The following CCNT2 variants were observed in gnomAD, a reference collection of about 807,000 sequenced individuals.
The protein encoded by CCNT2 is cyclin-T2.
CCNT2 carries 18 observed loss-of-function variants against 70.0 expected under a neutral mutation model. The ratio of observed to expected loss-of-function variants is 0.26; its 90% CI spans 0.18 to 0.38. The LOEUF (loss-of-function observed/expected upper bound fraction) is 0.38, where lower values mean the gene tolerates loss of function less well. Among genes scored for constraint, CCNT2 ranks in the 10% least tolerant of loss-of-function variants. The pLI is 1.00. For synonymous variants in CCNT2, 334 were observed against 313.3 expected (o/e 1.07, Z -0.70); for missense variants, 734 against 890.2 (o/e 0.82, Z 2.23).
In CCNT2 at chr2:134,921,001, T is replaced by G. The variant is rs187328070; in HGVS notation, c.240+1110T>G. 4.0e-4 allele frequency among the ~76,000 whole-genome samples: 61 copies of G among 152,354 alleles called. No individual in the cohort carries two copies. In the East Asian group the frequency reaches 0.011, roughly 28 times the overall value. On this transcript the variant is annotated intron_variant, in intron 2 of 8. Coordinates refer to ENST00000264157, the MANE Select transcript of CCNT2 (RefSeq NM_058241.3). ...TCTCTTGAAGACTTCTTCTATTTCT[T>G]TTTTAAATCTGCATAATTCTTGCTC... is the stretch of plus-strand genomic sequence containing the variant.
At chr2:134,931,610 A>G (rs1680776746) in intron 2 of CCNT2, among the ~76,000 whole-genome samples, 2 of 152,234 alleles carry the variant, frequency 1.3e-5, no homozygotes, top group East Asian at 1.9e-4. Flanking sequence ...TGGGATTTTT[A>G]TAGGGATGAC....
rs1280635879 is a variant in CCNT2 at position 134,954,932 on chromosome 2, T to C, written c.*284T>C. 1 of 316,862 alleles carries C rather than the reference T, an allele frequency of 3.2e-6. No homozygotes were observed. The highest frequency in any genetic ancestry group is 2.1e-5 in the African/African-American group (1 of 47,560). 19.6% of individuals were successfully genotyped at this position (316,862 alleles called of 1,614,324 possible). ...ATTAGGATGAATGGCTGGCTGCTTC[T>C]AGGAATATAAGATGCCTCAAGCATT... On this transcript the variant is annotated 3_prime_UTR_variant, in exon 9 of 9. Transcript: ENST00000264157.
intron 3 of CCNT2, among the ~76,000 whole-genome samples, chr2:134,937,760 C>G (rs1405430078): frequency 6.6e-6 from 1 of 151,980 alleles, no homozygotes; most frequent in Admixed American, 6.6e-5. Context: ...ACTAAAAATA[C>G]AAAATTAGCC....
At chr2:134,940,230 C>T (rs577344536) in intron 4 of CCNT2, among the ~76,000 whole-genome samples, 1 of 152,174 alleles carries the variant, frequency 6.6e-6, no homozygotes, top group African/African-American at 2.4e-5. Flanking sequence ...TGCAGTTGAC[C>T]CTCAAACAGC....
At chr2:134,920,505 A>G (rs1282831437) in intron 2 of CCNT2, 1 of 152,188 alleles carries the variant, frequency 6.6e-6, no homozygotes, top group Non-Finnish European at 1.5e-5. Context: ...TAAAATTTAC[A>G]CCTGAATATT....
intron 5 of CCNT2, chr2:134,944,081 T>C: frequency 2.0e-6 from 2 of 984,758 alleles, no homozygotes; most frequent in Non-Finnish European, 2.4e-6. Context: ...TATTTTTTTG[T>C]AGTAGCACAC....
chr2:134,948,421 GT>G (rs1682162331), intron 7 of CCNT2, among the ~76,000 whole-genome samples: 1 of 152,192 alleles, frequency 6.6e-6, no homozygotes, highest in South Asian at 2.1e-4. Context: ...ATTCTGTTGA[GT>G]TTTAAATGTG....
intron 2 of CCNT2, among the ~76,000 whole-genome samples, chr2:134,933,083 T>C (rs940683487): frequency 6.6e-6 from 1 of 152,194 alleles, no homozygotes; most frequent in African/African-American, 2.4e-5. Flanking sequence ...CACTAGCCTA[T>C]AGAACCTAAA....
In CCNT2 at chr2:134,919,134, G is replaced by A. The variant is rs1037471372; in HGVS notation, c.158+122G>A. ...CGCTGGGCCTCGGCGCCGCGGTCAG[G>A]GAAGTAATGTTCCGGCTCGGGCAGT... On this transcript the variant is annotated intron_variant, in intron 1 of 8. Transcript: ENST00000264157. 4 of 1,148,822 alleles carry A rather than the reference G, an allele frequency of 3.5e-6. No homozygotes were observed. The South Asian group carries it at 6.3e-5, about 18-fold the overall frequency. 71.2% of individuals were successfully genotyped at this position (1,148,822 alleles called of 1,614,324 possible). A position where few individuals can be genotyped will look rare whatever the true frequency, so the allele number is the denominator to read the frequency against.
intron 5 of CCNT2, chr2:134,943,936 C>T (rs1681757357): frequency 1.0e-6 from 1 of 954,746 alleles, no homozygotes; most frequent in Non-Finnish European, 1.2e-6. Context: ...TAGTATTTAC[C>T]TAAGTATTCT....
At chr2:134,947,934 T>G in intron 7 of CCNT2, 35 bp downstream of exon 7, 1 of 1,278,918 alleles carries the variant, frequency 7.8e-7, no homozygotes, top group Non-Finnish European at 1.1e-6. Flanking sequence ...AGTTTGGAAT[T>G]ATCTAAGTTG....
At chr2:134,946,860 C>A (rs1325471955) in intron 6 of CCNT2, among the ~76,000 whole-genome samples, 1 of 151,958 alleles carries the variant, frequency 6.6e-6, no homozygotes, top group East Asian at 1.9e-4. Flanking sequence ...TTAAATTTGT[C>A]TTTTTGAGTG....
chr2:134,953,019 TCTGATTCTAAA>T (rs1465665273), intron 8 of CCNT2, 200 bp from the exon 9 acceptor site: 3 of 500,926 alleles, frequency 6.0e-6, no homozygotes, highest in African/African-American at 5.9e-5. Context: ...TTAACTTGTA[TCTGATTCTAAA>T]ATGGGTGTTT....
chr2:134,930,838 C>A (rs899231319), intron 2 of CCNT2, among the ~76,000 whole-genome samples: 21 of 151,892 alleles, frequency 1.4e-4, no homozygotes, highest in African/African-American at 4.8e-4. Flanking sequence ...ATCTAAGAAA[C>A]CTTTACCTAA....
chr2:134,928,735 A>G (rs553163441), intron 2 of CCNT2, among the ~76,000 whole-genome samples: 204 of 152,348 alleles, frequency 1.3e-3, no homozygotes, highest in Non-Finnish European at 1.7e-3. Context: ...GAAGTTGAAA[A>G]AAAAAAATGG....
At chr2:134,946,682 CT>C (rs35187705) in intron 6 of CCNT2, among the ~76,000 whole-genome samples, 37,626 of 139,788 alleles carry the variant, frequency 0.27, 4,936 homozygotes, top group Middle Eastern at 0.64. Flanking sequence ...ACAATTTTTC[CT>C]TTTTTTTTTT....
At chr2:134,949,762 T>A (rs1159386665) in intron 7 of CCNT2, among the ~76,000 whole-genome samples, 1 of 132,274 alleles carries the variant, frequency 7.6e-6, no homozygotes, top group Non-Finnish European at 1.5e-5. Context: ...TTTAGTTTAA[T>A]AGTCACTAGA....
chr2:134,928,293 T>TC (rs11402321), intron 2 of CCNT2, among the ~76,000 whole-genome samples: 4 of 147,872 alleles, frequency 2.7e-5, no homozygotes, highest in Non-Finnish European at 6.0e-5. Flanking sequence ...TTTTTTTTTT[T>TC]CTGAGACGGA....
chr2:134,937,760 C>CAGGCATCTCTACTA (rs2105051273), intron 3 of CCNT2, among the ~76,000 whole-genome samples: 1 of 152,098 alleles, frequency 6.6e-6, no homozygotes, highest in South Asian at 2.1e-4. Flanking sequence ...ACTAAAAATA[C>CAGGCATCTCTACTA]AAAATTAGCC....
Sources: allele counts gnomAD v4.1 joint callset (sites outside exome capture counted in the v4.1 genomes callset), GRCh38; gene constraint gnomAD v4.1.1; transcripts MANE v1.5; gene names NCBI Gene and HGNC (gene_info 2026-07-23, HGNC 2026-07-21).